EPRS1: variants seen among roughly 807,000 people sequenced by gnomAD.
EPRS1 encodes the protein bifunctional glutamate/proline--tRNA ligase.
In EPRS1, 107 loss-of-function variants were observed where a neutral mutation model predicts 188.3. The observed-to-expected ratio is 0.57, with a 90% confidence interval of 0.49 to 0.67. The LOEUF (loss-of-function observed/expected upper bound fraction) is 0.67. Ranked by LOEUF, EPRS1 falls within the 30% of genes least tolerant of loss-of-function variation. EPRS1 has a pLI of 0.00. For synonymous variants in EPRS1, 596 were observed against 593.1 expected, an observed-to-expected ratio of 1.00 and a Z score of -0.07; for missense variants, 1,577 against 1,802.2, an observed-to-expected ratio of 0.88 and a Z score of 2.26.
At chr1:219,988,048 T>C (rs1302227905) in intron 19 of EPRS1, among the ~76,000 whole-genome samples, 1 of 152,186 alleles carries the variant, frequency 6.6e-6, no homozygotes, top group Non-Finnish European at 1.5e-5. Flanking sequence ...ATTATAAAGA[T>C]GAGATAATGG....
At position 220,006,217 on chromosome 1, in the gene EPRS1, A is replaced by C. The variant is rs755935707; in HGVS notation, c.1839T>G (p.Thr613=). The change falls in exon 15 of 32, where the codon ACT becomes ACG. Residue 613 remains threonine, a synonymous_variant. Transcript: ENST00000366923. The part of the protein sequence containing the change: ...KTTKVTWLAE[T]THALPIPVIC... ...TTACTGGAATAGGAAGAGCATGTGT[A>C]GTCTCTGCAAGCCAAGTGACCTTAG... The C allele has an allele frequency of 6.2e-7, 1 of 1,605,902 alleles. No homozygotes were observed. The highest frequency in any genetic ancestry group is 2.2e-5 in the East Asian group (1 of 44,594).
In EPRS1 at chr1:220,005,234, T is replaced by G. The variant is rs1408240118; in HGVS notation, c.2063+14A>C. On this transcript the variant is annotated intron_variant, in intron 16 of 31. Transcript: ENST00000366923. ...TAAGCATTTTCATTTAGACGTTCAG[T>G]TACATTTACTTACCTAACAGGTTCA... is the stretch of plus-strand genomic sequence containing the variant. 9 of 1,202,788 alleles carry G rather than the reference T, an allele frequency of 7.5e-6. No individual in the cohort carries two copies. Among genetic ancestry groups the G allele is most frequent in the Non-Finnish European group, 1.1e-5 (9 of 846,914 alleles). The allele number at this position is 1,202,788 out of a possible 1,614,324, so 74.5% of individuals were successfully genotyped here.
chr1:220,038,626 G>A (rs754802501), intron 2 of EPRS1, among the ~76,000 whole-genome samples: 25 of 150,608 alleles, frequency 1.7e-4, no homozygotes, highest in Admixed American at 3.3e-4. Context: ...CAATCCACTC[G>A]CCCGGCCTCC....
intron 12 of EPRS1, among the ~76,000 whole-genome samples, chr1:220,017,240 A>G (rs1661738148): frequency 1.3e-5 from 2 of 152,150 alleles, no homozygotes; most frequent in African/African-American, 4.8e-5. Context: ...AATAAATACC[A>G]AAAGAACTAT....
intron 12 of EPRS1, among the ~76,000 whole-genome samples, chr1:220,012,405 T>C (rs1558055070): frequency 6.6e-6 from 1 of 152,208 alleles, no homozygotes; most frequent in Non-Finnish European, 1.5e-5. Flanking sequence ...CTTAGTTCAT[T>C]GCAGCTGTTT....
At chr1:220,035,529 T>C (rs1489881253) in intron 2 of EPRS1, among the ~76,000 whole-genome samples, 1 of 152,112 alleles carries the variant, frequency 6.6e-6, no homozygotes, top group African/African-American at 2.4e-5. Context: ...TAACAGTGAT[T>C]TAATATAAAT....
intron 20 of EPRS1, among the ~76,000 whole-genome samples, chr1:219,985,218 C>T (rs887853760): frequency 6.6e-6 from 1 of 152,082 alleles, no homozygotes; most frequent in Non-Finnish European, 1.5e-5. Flanking sequence ...AATAGAGACA[C>T]AGCCTGTTCA....
intron 2 of EPRS1, among the ~76,000 whole-genome samples, chr1:220,035,591 G>T (rs546230997): frequency 2.0e-5 from 3 of 152,284 alleles, no homozygotes; most frequent in African/African-American, 4.8e-5. Flanking sequence ...TACTTTGGGA[G>T]GCCAAGACGG....
At position 220,025,748 on chromosome 1, in the gene EPRS1, C is replaced by T. The variant is rs80197402; in HGVS notation, c.624-490G>A. 5.3e-3 allele frequency among the ~76,000 whole-genome samples: 812 copies of T among 152,208 alleles called. 7 individuals carry two copies. The highest frequency in any genetic ancestry group is 0.019 in the African/African-American group (788 of 41,534). On this transcript the variant is annotated intron_variant, in intron 6 of 31. Coordinates refer to ENST00000366923, the MANE Select transcript of EPRS1 (RefSeq NM_004446.3). ...AAGAGCACATGACAATTAGTAAAAG[C>T]CGCTTTACTTCTCTAGGCTTTGGTT...
chr1:219,972,029 T>G (rs2795315), intron 30 of EPRS1, 40 bp downstream of exon 30: 1,054,551 of 1,261,240 alleles, frequency 0.84, 442,229 homozygotes, highest in African/African-American at 0.97. Flanking sequence ...ACAATTTACT[T>G]AAATATTCTT....
At position 219,997,048 on chromosome 1, in the gene EPRS1, G is replaced by C. The variant is rs1289632601; in HGVS notation, c.2476C>G (p.Leu826Val). 6.2e-7 allele frequency: 1 copy of C among 1,613,552 alleles called. No individual in the cohort carries two copies. The highest frequency in any genetic ancestry group is 8.5e-7 in the Non-Finnish European group (1 of 1,179,880). ...SSASILESKS[L>V]YDEVAAQGEV... ...CCTTGTGCAGCAACTTCATCATACA[G>C]AGATTTACTTTCCAGAATACTTGCT... Residue 826 changes from leucine to valine, a missense_variant, in exon 18 of 32, where the codon CTG becomes GTG. Leu to Val is a conservative substitution (Grantham distance 32, BLOSUM62 1). Coordinates refer to ENST00000366923, the MANE Select transcript of EPRS1 (RefSeq NM_004446.3).
intron 14 of EPRS1, 103 bp downstream of exon 14, chr1:220,007,099 G>T: frequency 2.0e-6 from 2 of 1,004,876 alleles, no homozygotes; most frequent in Non-Finnish European, 2.8e-6. Context: ...AGATTTACTA[G>T]TCAGCAACAT....
chr1:220,034,879 G>T, intron 3 of EPRS1, 35 bp downstream of exon 3: 1 of 1,193,442 alleles, frequency 8.4e-7, no homozygotes, highest in South Asian at 1.2e-5. Flanking sequence ...AGAAGCATAA[G>T]ACAAAACACA....
At position 220,024,404 on chromosome 1, in the gene EPRS1, T is replaced by C; in HGVS notation, c.803A>G (p.Tyr268Cys). The stretch of plus-strand genomic sequence containing the variant: ...TATAGTTTCAAAATGATCCGAAGTA[T>C]AAGTAAATTGATCTGGTTTGATATG... ...MLHIKPDQFTYTSDHFETIMK... is the reference protein window; with the variant it reads ...MLHIKPDQFTCTSDHFETIMK... Residue 268 changes from tyrosine (Y) to cysteine (C), a missense_variant, in exon 8 of 32, where the codon TAT becomes TGT. Transcript: ENST00000366923. 6.2e-7 allele frequency: 1 copy of C among 1,611,502 alleles called. No individual in the cohort carries two copies. Among genetic ancestry groups the C allele is most frequent in the Non-Finnish European group, 8.5e-7 (1 of 1,179,324 alleles).
intron 17 of EPRS1, among the ~76,000 whole-genome samples, chr1:219,999,698 G>T (rs1661306297): frequency 6.6e-6 from 1 of 152,202 alleles, no homozygotes; most frequent in Middle Eastern, 3.2e-3. Context: ...CCCAGGCCAG[G>T]TGCAGTGGAT....
chr1:220,010,754 G>A (rs1234620373), intron 13 of EPRS1, among the ~76,000 whole-genome samples, 192 bp downstream of exon 13: 1 of 150,074 alleles, frequency 6.7e-6, no homozygotes, highest in Non-Finnish European at 1.5e-5. Context: ...GGGTTGCAGT[G>A]AGCCGAGATC....
intron 12 of EPRS1, among the ~76,000 whole-genome samples, chr1:220,014,708 C>T (rs1389554622): frequency 6.6e-5 from 10 of 152,194 alleles, no homozygotes; most frequent in Admixed American, 6.5e-4. Flanking sequence ...TGGAATTTCT[C>T]CAACAAACTA....
At chr1:220,035,475 T>TTTACATGTTCTTTAC (rs1259612058) in intron 2 of EPRS1, among the ~76,000 whole-genome samples, 1 of 152,162 alleles carries the variant, frequency 6.6e-6, no homozygotes, top group East Asian at 1.9e-4. Flanking sequence ...TTTACATGTC[T>TTTACATGTTCTTTAC]ATTCAGAGGT....
At chr1:220,010,477 G>T (rs1661580285) in intron 13 of EPRS1, among the ~76,000 whole-genome samples, 4 of 152,216 alleles carry the variant, frequency 2.6e-5, no homozygotes, top group Admixed American at 2.0e-4. Context: ...ATCCAAAAAA[G>T]ATTTACTTCG....
Sources: gnomAD v4.1 joint callset for allele counts (sites outside exome capture counted in the v4.1 genomes callset) on GRCh38, gnomAD v4.1.1 for gene constraint, MANE v1.5 for transcripts, NCBI Gene and HGNC (gene_info 2026-07-23, HGNC 2026-07-21) for gene names.